Variants in B4GALNT3 observed in about 807,000 individuals in gnomAD.
B4GALNT3 encodes beta-1,4-N-acetylgalactosaminyltransferase 3.
A neutral mutation model predicts 120.2 loss-of-function variants in B4GALNT3; 86 were observed. The observed-to-expected ratio is 0.72, with a 90% CI of 0.60 to 0.86. The LOEUF (loss-of-function observed/expected upper bound fraction) is 0.86. B4GALNT3 is among the 40% of genes least tolerant of loss of function. B4GALNT3 has a pLI of 0.00. For synonymous variants in B4GALNT3, 518 were observed against 510.4 expected, an observed-to-expected ratio of 1.01 and a Z score of -0.20; for missense variants, 1,167 against 1,298.9, an observed-to-expected ratio of 0.90 and a Z score of 1.56.
chr12:509,724 G>A (rs749854207), intron 1 of B4GALNT3, among the ~76,000 whole-genome samples: 10 of 152,178 alleles, frequency 6.6e-5, no homozygotes, highest in Non-Finnish European at 1.5e-4. Context: ...CTCCGAGGTG[G>A]TGTTTGGAAG....
chr12:484,456 G>A (rs1946271625), intron 1 of B4GALNT3, among the ~76,000 whole-genome samples: 1 of 152,168 alleles, frequency 6.6e-6, no homozygotes, highest in Non-Finnish European at 1.5e-5. Flanking sequence ...CTGCACACTG[G>A]AGTACCTGAG....
At chr12:540,152 G>A (rs1437120232) in intron 3 of B4GALNT3, among the ~76,000 whole-genome samples, 3 of 152,342 alleles carry the variant, frequency 2.0e-5, no homozygotes, top group East Asian at 1.9e-4. Flanking sequence ...CATGTCCTGC[G>A]ATGGGCTTCC....
chr12:521,071 C>T (rs1946704293), intron 1 of B4GALNT3, among the ~76,000 whole-genome samples: 1 of 152,198 alleles, frequency 6.6e-6, no homozygotes, highest in Non-Finnish European at 1.5e-5. Context: ...GGAGAAGTCA[C>T]ACCCCCGGTT....
intron 18 of B4GALNT3, among the ~76,000 whole-genome samples, chr12:559,074 C>G (rs1947193435): frequency 6.6e-6 from 1 of 152,060 alleles, no homozygotes; most frequent in African/African-American, 2.4e-5. Flanking sequence ...TTGTTATCAG[C>G]CCATGGGCAC....
intron 1 of B4GALNT3, among the ~76,000 whole-genome samples, chr12:482,090 T>C (rs1298435987): frequency 2.0e-5 from 3 of 152,182 alleles, no homozygotes; most frequent in Non-Finnish European, 4.4e-5. Flanking sequence ...CTCAACCTCC[T>C]TCCTGTTAGT....
chr12:562,012 G>A lies in B4GALNT3; in HGVS notation c.*561G>A, dbSNP rs12367723. On this transcript the variant is annotated 3_prime_UTR_variant, in exon 20 of 20. Transcript: ENST00000266383. The surrounding 1 kb of genome is among the most constrained non-coding windows in gnomAD (Gnocchi z 5.2). ...GCGGGACTGGTCCCACGTGGGGCAG[G>A]TCTCTGCTCCACCCCAGGCTCGTGC... 78,923 of 152,358 alleles carry A rather than the reference G, an allele frequency of 0.52. 23,201 individuals are homozygous for A. Among genetic ancestry groups the A allele is most frequent in the Non-Finnish European group, 0.67 (45,274 of 68,074 alleles). The allele number at this position is 152,358 out of a possible 1,614,324, so 9.4% of individuals were successfully genotyped here.
At chr12:529,587 A>G (rs969973930) in intron 1 of B4GALNT3, among the ~76,000 whole-genome samples, 9 of 152,256 alleles carry the variant, frequency 5.9e-5, no homozygotes, top group Non-Finnish European at 1.3e-4. Context: ...GCCATTTACC[A>G]TGAAGTGATG....
At chr12:514,043 C>T (rs948857414) in intron 1 of B4GALNT3, among the ~76,000 whole-genome samples, 26 of 152,146 alleles carry the variant, frequency 1.7e-4, no homozygotes, top group African/African-American at 6.0e-4. Context: ...GGGTGTATAC[C>T]TGGGAATAGA....
intron 1 of B4GALNT3, among the ~76,000 whole-genome samples, chr12:513,994 T>G (rs147144985): frequency 4.6e-5 from 7 of 152,336 alleles, no homozygotes; most frequent in African/African-American, 1.7e-4. Flanking sequence ...GCTTTTTGGC[T>G]ATTAGGAATA....
chr12:481,077 G>T (rs983202931), intron 1 of B4GALNT3, among the ~76,000 whole-genome samples: 2 of 152,222 alleles, frequency 1.3e-5, no homozygotes, highest in Non-Finnish European at 2.9e-5. Flanking sequence ...AAGACCATCA[G>T]ACGCTGAGGG....
intron 1 of B4GALNT3, among the ~76,000 whole-genome samples, chr12:515,848 C>A (rs939967232): frequency 6.6e-6 from 1 of 152,108 alleles, no homozygotes; most frequent in Non-Finnish European, 1.5e-5. Context: ...GACAAAAATC[C>A]TGCTTTCAGC....
At chr12:511,013 C>CTTTTTTTTTTTTT (rs762032000) in intron 1 of B4GALNT3, among the ~76,000 whole-genome samples, 2 of 43,860 alleles carry the variant, frequency 4.6e-5, no homozygotes, top group Admixed American at 3.3e-4. Context: ...TTTGCCTATT[C>CTTTTTTTTTTTTT]TTTTTTTTTT....
At chr12:538,542 G>C (rs1358759194) in intron 3 of B4GALNT3, among the ~76,000 whole-genome samples, 1 of 131,566 alleles carries the variant, frequency 7.6e-6, no homozygotes, top group African/African-American at 2.9e-5. Flanking sequence ...CTGAGTGACA[G>C]AGTTGAGAAC....
chr12:505,172 G>A (rs1020184332), intron 1 of B4GALNT3, among the ~76,000 whole-genome samples: 2 of 152,202 alleles, frequency 1.3e-5, no homozygotes, highest in South Asian at 2.1e-4. Context: ...GAGTACAGGC[G>A]TGAACCACCA....
chr12:483,791 G>A (rs1946263992), intron 1 of B4GALNT3, among the ~76,000 whole-genome samples: 1 of 152,126 alleles, frequency 6.6e-6, no homozygotes. Context: ...CATTTTACAG[G>A]TGAGAAAATT....
chr12:519,970 G>A (rs1274003494), intron 1 of B4GALNT3, among the ~76,000 whole-genome samples: 1 of 152,072 alleles, frequency 6.6e-6, no homozygotes, highest in Non-Finnish European at 1.5e-5. Flanking sequence ...CTGTGTAGGG[G>A]AATTTCAACA....
chr12:494,096 C>T (rs1266133511), intron 1 of B4GALNT3, among the ~76,000 whole-genome samples: 2 of 151,824 alleles, frequency 1.3e-5, no homozygotes, highest in African/African-American at 4.8e-5. Flanking sequence ...ATGGTGAAAC[C>T]CCATCTCTAC....
At position 553,248 on chromosome 12, in the gene B4GALNT3, C is replaced by A. The variant is rs755783735; in HGVS notation, c.1325C>A (p.Thr442Asn). 45 of 1,613,426 alleles carry A rather than the reference C, an allele frequency of 2.8e-5. No homozygotes were observed. Among genetic ancestry groups the A allele is most frequent in the Non-Finnish European group, 3.3e-5 (39 of 1,180,036 alleles). ...CAGTATGGGGAAGTGGCAGAGGAGA[C>A]CCCTGCCTCCAACAACCAGAATGCC... Reference protein sequence around the residue: ...ESQYGEVAEETPASNNQNARM... With the variant: ...ESQYGEVAEENPASNNQNARM... Residue 442 changes from threonine to asparagine, a missense_variant, in exon 14 of 20, where the codon ACC (threonine) becomes AAC (asparagine). This residue lies in a region of B4GALNT3 where 983 missense variants were observed against 1,102.5 expected (regional missense o/e 0.89). Transcript: ENST00000266383.
Position 550,932 on chromosome 12 carries a change from C to A in B4GALNT3, c.1008C>A (p.Ile336=), listed in dbSNP as rs1947074909. The A allele has an allele frequency of 6.2e-7, 1 of 1,612,886 alleles. No individual in the cohort carries two copies. Among genetic ancestry groups the A allele is most frequent in the Non-Finnish European group, 8.5e-7 (1 of 1,178,950 alleles). ...CTCCACTGTCCTCAGTGCCTCTGAT[C>A]CCCAAGTCGCATCTCCGCCACGTCC... ...PRDTLYRVPL[I]PKSHLRHVLP... Residue 336 remains isoleucine (I), a synonymous_variant, in exon 11 of 20, where the codon ATC becomes ATA. Coordinates refer to ENST00000266383, the MANE Select transcript of B4GALNT3 (RefSeq NM_173593.4). This position sits in a 1 kb window ranked among gnomAD's most constrained non-coding sequence, Gnocchi z 4.1.
Sources: gnomAD v4.1 joint callset for allele counts (sites outside exome capture counted in the v4.1 genomes callset) on GRCh38, gnomAD v4.1.1 for gene constraint, gnomAD v4.1.1 regional missense constraint, Gnocchi (gnomAD v3.1) non-coding constraint, MANE v1.5 for transcripts, NCBI Gene and HGNC (gene_info 2026-07-23, HGNC 2026-07-21) for gene names.